The following MCUB variants were observed in gnomAD, a reference collection of about 807,000 sequenced individuals.
The protein encoded by MCUB is calcium uniporter regulatory subunit MCUb, mitochondrial.
In MCUB, 46 loss-of-function variants were observed where a neutral mutation model predicts 41.4. That is an observed-to-expected ratio of 1.11 (90% CI 0.88 to 1.42). The LOEUF (loss-of-function observed/expected upper bound fraction) is 1.42, where lower values mean the gene tolerates loss of function less well. Among genes scored for constraint, MCUB ranks in the 40% most tolerant of loss-of-function variants. The pLI, the probability that MCUB is intolerant of heterozygous loss-of-function variation, is 0.00. For synonymous variants in MCUB, 148 were observed against 148.2 expected (o/e 1.00, Z 0.01); for missense variants, 403 against 404.9 (o/e 1.00, Z 0.04).
At chr4:109,665,708 CA>C (rs1260729963) in intron 4 of MCUB, among the ~76,000 whole-genome samples, 2 of 151,638 alleles carry the variant, frequency 1.3e-5, no homozygotes, top group Admixed American at 1.3e-4. Context: ...ATTTTTTTCC[CA>C]AATATTTTCA....
At chr4:109,643,392 C>T (rs1419205658) in intron 1 of MCUB, among the ~76,000 whole-genome samples, 1 of 151,856 alleles carries the variant, frequency 6.6e-6, no homozygotes, top group Admixed American at 6.6e-5. Context: ...AGTATGTTGG[C>T]CAGGCTGGTC....
chr4:109,632,615 C>CCTTT (rs376217299), intron 1 of MCUB, among the ~76,000 whole-genome samples: 2 of 116,982 alleles, frequency 1.7e-5, no homozygotes, highest in African/African-American at 6.9e-5. Context: ...TCTGTCATTG[C>CCTTT]TTTTTTTTTT....
intron 1 of MCUB, among the ~76,000 whole-genome samples, chr4:109,614,783 A>G (rs1728090756): frequency 6.6e-6 from 1 of 151,974 alleles, no homozygotes; most frequent in African/African-American, 2.4e-5. Context: ...GACATGAAGA[A>G]AACGCCTTAT....
intron 5 of MCUB, among the ~76,000 whole-genome samples, chr4:109,684,065 CT>C (rs71595507): frequency 2.7e-3 from 383 of 139,886 alleles, no homozygotes; most frequent in Middle Eastern, 3.7e-3. Flanking sequence ...TTCCTCTTTT[CT>C]TTTTTTTTTT....
chr4:109,678,279 A>G (rs2126150159), intron 4 of MCUB, among the ~76,000 whole-genome samples: 1 of 151,484 alleles, frequency 6.6e-6, no homozygotes, highest in East Asian at 2.0e-4. Flanking sequence ...CCCCTTTTCT[A>G]TTCGACAAAA....
At chr4:109,641,206 C>T (rs1327205493) in intron 1 of MCUB, among the ~76,000 whole-genome samples, 1 of 151,948 alleles carries the variant, frequency 6.6e-6, no homozygotes, top group African/African-American at 2.4e-5. Context: ...CATTCTCCTG[C>T]CTCAGCCTCC....
chr4:109,579,590 T>TA (rs779439871), intron 1 of MCUB, among the ~76,000 whole-genome samples: 1 of 152,180 alleles, frequency 6.6e-6, no homozygotes, highest in Non-Finnish European at 1.5e-5. Context: ...GGGTGCTACA[T>TA]GTAAGACGTG....
At chr4:109,568,282 C>T (rs951124163) in intron 1 of MCUB, among the ~76,000 whole-genome samples, 22 of 152,034 alleles carry the variant, frequency 1.4e-4, no homozygotes, top group African/African-American at 5.1e-4. Flanking sequence ...TTGTAAATAC[C>T]CTTTTATGGG....
chr4:109,617,249 A>C (rs1383477783), intron 1 of MCUB, among the ~76,000 whole-genome samples: 1 of 152,140 alleles, frequency 6.6e-6, no homozygotes, highest in Non-Finnish European at 1.5e-5. Flanking sequence ...CATTGGTTTG[A>C]CTTGTGGCAC....
intron 6 of MCUB, 70 bp from the exon 7 acceptor site, chr4:109,685,181 T>C (rs1729809683): frequency 5.7e-6 from 4 of 702,242 alleles, no homozygotes; most frequent in Non-Finnish European, 1.0e-5. Flanking sequence ...CTGAGTCAAG[T>C]ATCTTTCTTG....
chr4:109,656,346 A>AAGGGAGGGG (rs1729098617), intron 1 of MCUB, among the ~76,000 whole-genome samples: 2 of 98,696 alleles, frequency 2.0e-5, no homozygotes, highest in Non-Finnish European at 4.2e-5. Context: ...TCTAACTTTT[A>AAGGGAGGGG]CTCTCTACTT....
At chr4:109,630,181 T>C (rs972071458) in intron 1 of MCUB, among the ~76,000 whole-genome samples, 2 of 152,148 alleles carry the variant, frequency 1.3e-5, no homozygotes, top group African/African-American at 4.8e-5. Context: ...AGAATTCTTG[T>C]TGGGTGCGGT....
intron 1 of MCUB, among the ~76,000 whole-genome samples, chr4:109,592,149 G>A (rs1727450772): frequency 1.3e-5 from 2 of 152,006 alleles, no homozygotes; most frequent in Admixed American, 1.3e-4. Flanking sequence ...ACTCACGCCT[G>A]TAATCCCAGC....
chr4:109,681,395 A>G (rs1421433561), intron 4 of MCUB: 2 of 443,242 alleles, frequency 4.5e-6, no homozygotes, highest in Admixed American at 4.9e-5. Flanking sequence ...AAAAGGGTCT[A>G]AAGTTGTCTC....
At chr4:109,627,364 A>C (rs1010955008) in intron 1 of MCUB, among the ~76,000 whole-genome samples, 1 of 152,242 alleles carries the variant, frequency 6.6e-6, no homozygotes, top group Non-Finnish European at 1.5e-5. Context: ...GTGGTATGAT[A>C]CATGATTTCA....
At chr4:109,613,876 A>G (rs972396976) in intron 1 of MCUB, among the ~76,000 whole-genome samples, 2 of 152,208 alleles carry the variant, frequency 1.3e-5, no homozygotes, top group African/African-American at 4.8e-5. Flanking sequence ...CAAAGGTAAC[A>G]TTTGGCAAAA....
In MCUB at chr4:109,607,928, C is replaced by T. The variant is rs1561225938; in HGVS notation, c.99+47492C>T. Among the ~76,000 whole-genome samples the T allele has an allele frequency of 2.6e-5, 4 of 152,134 alleles. No individual in the cohort carries two copies. The East Asian group carries it at 7.7e-4, about 29-fold the overall frequency. On this transcript the variant is annotated intron_variant, in intron 1 of 7. Coordinates refer to ENST00000394650, the MANE Select transcript of MCUB (RefSeq NM_017918.5). ...CTTTCTTGTATTTGAATATTGTTAC[C>T]TTTTCCTAGGTTTGGGAAGTTCTCT...
chr4:109,649,734 CATTT>C (rs1728917327), intron 1 of MCUB, among the ~76,000 whole-genome samples: 1 of 134,510 alleles, frequency 7.4e-6, no homozygotes, highest in African/African-American at 3.0e-5. Flanking sequence ...GCCTGGGACT[CATTT>C]ATTATGATTT....
intron 1 of MCUB, among the ~76,000 whole-genome samples, chr4:109,620,910 T>TC (rs1728238364): frequency 6.6e-6 from 1 of 151,462 alleles, no homozygotes; most frequent in Non-Finnish European, 1.5e-5. Context: ...TTTTTTTTTT[T>TC]TCCCCCAAGA....
Sources: gnomAD v4.1 joint callset for allele counts (sites outside exome capture counted in the v4.1 genomes callset) on GRCh38, gnomAD v4.1.1 for gene constraint, MANE v1.5 for transcripts, NCBI Gene and HGNC (gene_info 2026-07-23, HGNC 2026-07-21) for gene names.